Variants in GRID1 observed in about 807,000 individuals in gnomAD.
GRID1 encodes glutamate receptor ionotropic, delta-1.
GRID1 carries 28 observed loss-of-function variants against 98.0 expected under a neutral mutation model. The observed-to-expected ratio is 0.29, with a 90% CI of 0.21 to 0.39. The LOEUF (loss-of-function observed/expected upper bound fraction) is 0.39. GRID1 is among the 10% of genes least tolerant of loss of function. GRID1 has a pLI of 1.00. For missense variants in GRID1, 1,111 were observed against 1,340.5 expected, an observed-to-expected ratio of 0.83 and a Z score of 2.67; for synonymous variants, 553 against 538.5, an observed-to-expected ratio of 1.03 and a Z score of -0.37.
chr10:85,869,224 T>A, intron 5 of GRID1, 44 bp from the exon 6 acceptor site: 1 of 1,554,624 alleles, frequency 6.4e-7, no homozygotes, highest in Non-Finnish European at 8.9e-7. Context: ...ACTCATGAAC[T>A]ATCTCTGCAA....
At chr10:86,324,306 A>C (rs942449808) in intron 2 of GRID1, among the ~76,000 whole-genome samples, 1 of 152,246 alleles carries the variant, frequency 6.6e-6, no homozygotes, top group Non-Finnish European at 1.5e-5. Context: ...AATTTGTTCC[A>C]GGAGACACTG....
chr10:86,131,303 T>A (rs1190463457), intron 4 of GRID1, among the ~76,000 whole-genome samples: 1 of 152,074 alleles, frequency 6.6e-6, no homozygotes, highest in Non-Finnish European at 1.5e-5. Context: ...TGAACACCCT[T>A]GGGGATCCGG....
intron 6 of GRID1, among the ~76,000 whole-genome samples, 169 bp from the exon 7 acceptor site, chr10:85,856,359 T>C (rs1482251069): frequency 6.6e-6 from 1 of 152,222 alleles, no homozygotes; most frequent in Non-Finnish European, 1.5e-5. Flanking sequence ...CCCAGCCAGC[T>C]TCTAGAGTCC....
intron 2 of GRID1, among the ~76,000 whole-genome samples, chr10:86,272,987 G>A (rs1417700774): frequency 1.3e-5 from 2 of 152,132 alleles, no homozygotes; most frequent in African/African-American, 4.8e-5. Context: ...ATGTATACAT[G>A]TGACATGCTG....
intron 14 of GRID1, among the ~76,000 whole-genome samples, chr10:85,617,481 G>A (rs1365855425): frequency 4.6e-5 from 7 of 152,000 alleles, no homozygotes; most frequent in East Asian, 1.9e-4. Context: ...TGATCTGCCC[G>A]CCTCAGCCTC....
chr10:85,694,468 T>C (rs1313097090), intron 12 of GRID1, among the ~76,000 whole-genome samples: 1 of 150,088 alleles, frequency 6.7e-6, no homozygotes, highest in Non-Finnish European at 1.5e-5. Flanking sequence ...AACTGTTCAC[T>C]GCAGCACTGT....
chr10:85,852,811 G>A (rs1843072338), intron 8 of GRID1, among the ~76,000 whole-genome samples: 1 of 152,016 alleles, frequency 6.6e-6, no homozygotes, highest in Admixed American at 6.5e-5. Flanking sequence ...ATTCCTAACA[G>A]ACATCATAGG....
At chr10:85,683,355 G>T (rs1243210402) in intron 12 of GRID1, among the ~76,000 whole-genome samples, 1 of 152,186 alleles carries the variant, frequency 6.6e-6, no homozygotes, top group Non-Finnish European at 1.5e-5. Flanking sequence ...CAATTGACGA[G>T]ATCTCTATGC....
At chr10:86,086,094 G>A (rs187515013) in intron 4 of GRID1, among the ~76,000 whole-genome samples, 21 of 152,012 alleles carry the variant, frequency 1.4e-4, no homozygotes, top group Admixed American at 2.6e-4. Flanking sequence ...CTTCCTTCAG[G>A]CTTCAGCTCA....
chr10:86,197,688 G>A (rs1188659367), intron 3 of GRID1, among the ~76,000 whole-genome samples: 1 of 152,072 alleles, frequency 6.6e-6, no homozygotes, highest in East Asian at 1.9e-4. Flanking sequence ...AGTCGGCATA[G>A]CCTCACTTTC....
At chr10:86,158,226 T>G (rs964329042) in intron 3 of GRID1, among the ~76,000 whole-genome samples, 3 of 152,164 alleles carry the variant, frequency 2.0e-5, no homozygotes, top group African/African-American at 7.2e-5. Context: ...AGTCTTGGCT[T>G]CACCATCCAT....
chr10:86,314,263 C>T (rs1312501700), intron 2 of GRID1, among the ~76,000 whole-genome samples: 2 of 152,184 alleles, frequency 1.3e-5, no homozygotes, highest in South Asian at 4.1e-4. Context: ...AGGGCTGACT[C>T]CTGCCTGCAA....
intron 4 of GRID1, among the ~76,000 whole-genome samples, chr10:85,920,227 T>C (rs1005187629): frequency 6.6e-6 from 1 of 152,146 alleles, no homozygotes; most frequent in African/African-American, 2.4e-5. Context: ...CAAAAATTCA[T>C]CTCCAAGTCT....
intron 2 of GRID1, among the ~76,000 whole-genome samples, chr10:86,223,508 TGATGGTGCAGG>T (rs1002268303): frequency 3.9e-5 from 6 of 152,206 alleles, no homozygotes; most frequent in African/African-American, 1.4e-4. Context: ...GGCATTCCCA[TGATGGTGCAGG>T]GAGCTTTCCC....
intron 8 of GRID1, among the ~76,000 whole-genome samples, chr10:85,740,815 G>A (rs12098860): frequency 0.12 from 18,180 of 151,442 alleles, 1,262 homozygotes; most frequent in Middle Eastern, 0.22. Context: ...GCAGTGGCAC[G>A]ATCTTAGCTC....
intron 4 of GRID1, among the ~76,000 whole-genome samples, chr10:85,989,661 T>C (rs1842655640): frequency 1.3e-5 from 2 of 152,238 alleles, no homozygotes; most frequent in Admixed American, 1.3e-4. Context: ...AGTTTCATCC[T>C]GAAACTAGCC....
intron 8 of GRID1, among the ~76,000 whole-genome samples, chr10:85,763,086 C>T (rs1842161813): frequency 6.6e-6 from 1 of 152,208 alleles, no homozygotes; most frequent in Admixed American, 6.5e-5. Flanking sequence ...TGACGTCCTT[C>T]TCCAGAAACT....
chr10:85,632,431 C>T (rs1842986012), intron 13 of GRID1, among the ~76,000 whole-genome samples: 1 of 152,354 alleles, frequency 6.6e-6, no homozygotes, highest in East Asian at 1.9e-4. Flanking sequence ...CTGCTAACCT[C>T]CCTGTTGCCC....
chr10:85,829,942 A>T lies in GRID1; in HGVS notation c.1233+24554T>A, dbSNP rs553291163. Reference sequence around the variant, plus strand: ...TTGAACTACCAATGGCATTCTTCACAGAATTGGAAAAAACTATTTTACAAT... The same window carrying T: ...TTGAACTACCAATGGCATTCTTCACTGAATTGGAAAAAACTATTTTACAAT... On this transcript the variant is annotated intron_variant, in intron 8 of 15. Transcript: ENST00000327946. Among the ~76,000 whole-genome samples the T allele has an allele frequency of 2.0e-5, 3 of 152,368 alleles. No individual in the cohort carries two copies. The South Asian group carries it at 6.2e-4, about 32-fold the overall frequency.
Sources: allele counts gnomAD v4.1 joint callset (sites outside exome capture counted in the v4.1 genomes callset), GRCh38; gene constraint gnomAD v4.1.1; transcripts MANE v1.5; gene names NCBI Gene and HGNC (gene_info 2026-07-23, HGNC 2026-07-21).